Variants in MAPK4 observed in about 807,000 individuals in gnomAD.
MAPK4 encodes the protein mitogen-activated protein kinase 4.
MAPK4 carries 22 observed loss-of-function variants against 47.7 expected under a neutral mutation model. That is an observed-to-expected ratio of 0.46 (90% CI 0.33 to 0.66). The LOEUF (loss-of-function observed/expected upper bound fraction) is 0.66, where lower values mean the gene tolerates loss of function less well. MAPK4 is among the 30% of genes least tolerant of loss of function. The probability of loss-of-function intolerance (pLI) is 0.02; values close to 1 mark genes in which losing one functional copy is unlikely to be tolerated. For synonymous variants in MAPK4, 390 were observed against 365.7 expected (o/e 1.07, Z -0.76); for missense variants, 736 against 831.7 (o/e 0.88, Z 1.42).
chr18:50,683,054 T>G (rs934236034), intron 2 of MAPK4, among the ~76,000 whole-genome samples: 1 of 152,152 alleles, frequency 6.6e-6, no homozygotes, highest in African/African-American at 2.4e-5. Context: ...AACAAATTAG[T>G]GGTTGCCTAG....
At chr18:50,670,880 A>G (rs1470589741) in intron 2 of MAPK4, among the ~76,000 whole-genome samples, 3 of 152,188 alleles carry the variant, frequency 2.0e-5, no homozygotes, top group Non-Finnish European at 2.9e-5. Flanking sequence ...CTCAAACAAC[A>G]GCCCTTAGGG....
At chr18:50,654,995 G>A (rs867983151) in intron 1 of MAPK4, among the ~76,000 whole-genome samples, 26 of 152,340 alleles carry the variant, frequency 1.7e-4, no homozygotes, top group Admixed American at 7.2e-4. Flanking sequence ...AGCATCTGAT[G>A]TTCCTTCTGC....
chr18:50,691,940 C>T (rs1292642512), intron 2 of MAPK4, among the ~76,000 whole-genome samples: 1 of 152,162 alleles, frequency 6.6e-6, no homozygotes, highest in Non-Finnish European at 1.5e-5. Flanking sequence ...TTTGGTTACC[C>T]CCATCTCCTT....
chr18:50,666,199 T>C (rs1907592241), intron 2 of MAPK4, among the ~76,000 whole-genome samples: 1 of 152,186 alleles, frequency 6.6e-6, no homozygotes, highest in Admixed American at 6.5e-5. Context: ...TGGTTTATTG[T>C]GGCGTAAACT....
At chr18:50,722,742 A>G (rs575544417) in intron 4 of MAPK4, among the ~76,000 whole-genome samples, 15 of 152,258 alleles carry the variant, frequency 9.9e-5, no homozygotes, top group African/African-American at 3.6e-4. Flanking sequence ...ACAGGACAGA[A>G]ATAGACCAAA....
At chr18:50,581,121 G>T (rs2042340307) in intron 1 of MAPK4, among the ~76,000 whole-genome samples, 1 of 152,208 alleles carries the variant, frequency 6.6e-6, no homozygotes, top group African/African-American at 2.4e-5. Context: ...TGCTTAAAAA[G>T]CAAGGCAGCA....
intron 1 of MAPK4, among the ~76,000 whole-genome samples, chr18:50,636,676 G>A (rs1490570090): frequency 1.3e-5 from 2 of 152,064 alleles, no homozygotes; most frequent in Non-Finnish European, 2.9e-5. Context: ...CTTTTCTATG[G>A]GAACCTTTCA....
chr18:50,704,128 C>A (rs191406576), intron 2 of MAPK4, among the ~76,000 whole-genome samples: 4 of 152,144 alleles, frequency 2.6e-5, no homozygotes, highest in Non-Finnish European at 4.4e-5. Context: ...TTCCCTCCCA[C>A]GCCATCTGTA....
intron 2 of MAPK4, among the ~76,000 whole-genome samples, chr18:50,701,105 G>C (rs1373860348): frequency 1.3e-5 from 2 of 152,120 alleles, no homozygotes; most frequent in African/African-American, 4.8e-5. Context: ...CCATGGATTA[G>C]ATTACTTCAA....
intron 1 of MAPK4, among the ~76,000 whole-genome samples, chr18:50,586,066 C>G (rs1004946506): frequency 6.6e-6 from 1 of 152,174 alleles, no homozygotes; most frequent in African/African-American, 2.4e-5. Flanking sequence ...GACCCATTAT[C>G]ATCAGTGGAA....
intron 2 of MAPK4, among the ~76,000 whole-genome samples, chr18:50,665,303 T>C (rs1027246878): frequency 1.3e-5 from 2 of 152,124 alleles, no homozygotes; most frequent in African/African-American, 4.8e-5. Flanking sequence ...TTCCCTTCCT[T>C]CCCCTGCCCC....
rs568862353 is a variant in MAPK4, at chr18:50,728,840, C to T, written c.1068-318C>T. ...CAGGTGGATCCCCTAGAAAGTTTCACGAGGACAGGGACGTTTGTTTTGTTC... is the reference window on the plus strand; with the variant it reads ...CAGGTGGATCCCCTAGAAAGTTTCATGAGGACAGGGACGTTTGTTTTGTTC... On this transcript the variant is annotated intron_variant, in intron 5 of 5. Coordinates refer to ENST00000400384, the MANE Select transcript of MAPK4 (RefSeq NM_002747.4). 3.3e-5 allele frequency among the ~76,000 whole-genome samples: 5 copies of T among 152,322 alleles called. No homozygotes were observed. The East Asian group carries it at 7.7e-4, about 24-fold the overall frequency.
chr18:50,624,976 G>C (rs892903115), intron 1 of MAPK4, among the ~76,000 whole-genome samples: 3 of 152,150 alleles, frequency 2.0e-5, no homozygotes, highest in Non-Finnish European at 4.4e-5. Context: ...CCAACCAAGA[G>C]AGCCTATCTT....
chr18:50,608,572 G>A (rs921074690), intron 1 of MAPK4, among the ~76,000 whole-genome samples: 2 of 152,120 alleles, frequency 1.3e-5, no homozygotes, highest in African/African-American at 4.8e-5. Context: ...GATTTTGGGG[G>A]CCATCAGATT....
intron 1 of MAPK4, among the ~76,000 whole-genome samples, chr18:50,566,324 C>T (rs565057850): frequency 1.3e-5 from 2 of 152,254 alleles, no homozygotes; most frequent in South Asian, 4.1e-4. Flanking sequence ...GAAATTAGAC[C>T]TGAAAGAGAT....
At chr18:50,601,478 G>A (rs970170964) in intron 1 of MAPK4, among the ~76,000 whole-genome samples, 18 of 151,924 alleles carry the variant, frequency 1.2e-4, no homozygotes, top group Non-Finnish European at 2.2e-4. Context: ...TCTCTACCCA[G>A]AGTTATTTTG....
chr18:50,674,202 A>C (rs1403042985), intron 2 of MAPK4, among the ~76,000 whole-genome samples: 3 of 152,210 alleles, frequency 2.0e-5, no homozygotes, highest in Non-Finnish European at 2.9e-5. Context: ...GGGTACACCC[A>C]AGTTGTAAAC....
In MAPK4 at chr18:50,630,441, T is replaced by C. The variant is rs2042818641; in HGVS notation, c.-870-32648T>C. 2.0e-5 allele frequency among the ~76,000 whole-genome samples: 3 copies of C among 152,124 alleles called. No homozygotes were observed. The South Asian group carries it at 6.2e-4, about 31-fold the overall frequency. On this transcript the variant is annotated intron_variant, in intron 1 of 5. Coordinates refer to ENST00000400384, the MANE Select transcript of MAPK4 (RefSeq NM_002747.4). ...TAACCTCAAGTGATCCACCCACCTTTGCCTCCCAAAGTGCTGGGATTACAG... is the reference window on the plus strand; with the variant it reads ...TAACCTCAAGTGATCCACCCACCTTCGCCTCCCAAAGTGCTGGGATTACAG...
At chr18:50,627,616 C>T (rs2042790735) in intron 1 of MAPK4, among the ~76,000 whole-genome samples, 2 of 152,186 alleles carry the variant, frequency 1.3e-5, no homozygotes. Context: ...GCTCTTACAG[C>T]ATTGAACAAA....
Sources: gnomAD v4.1 joint callset for allele counts (sites outside exome capture counted in the v4.1 genomes callset) on GRCh38, gnomAD v4.1.1 for gene constraint, MANE v1.5 for transcripts, NCBI Gene and HGNC (gene_info 2026-07-23, HGNC 2026-07-21) for gene names.